Variants in ATAD2 observed in about 807,000 individuals in gnomAD.
ATAD2 encodes ATPase family AAA domain-containing protein 2.
In ATAD2, 62 loss-of-function variants were observed where a neutral mutation model predicts 168.9. The observed-to-expected ratio is 0.37, with a 90% confidence interval of 0.30 to 0.45. ATAD2 has a LOEUF of 0.45. Ranked by LOEUF, ATAD2 falls within the 20% of genes least tolerant of loss-of-function variation. The pLI is 1.00. For missense variants in ATAD2, 1,419 were observed against 1,667.8 expected, an observed-to-expected ratio of 0.85 and a Z score of 2.60; for synonymous variants, 613 against 571.6, an observed-to-expected ratio of 1.07 and a Z score of -1.03.
chr8:123,344,673 A>G (rs1828177645), intron 19 of ATAD2: 1 of 537,954 alleles, frequency 1.9e-6, no homozygotes, highest in Non-Finnish European at 3.2e-6. Flanking sequence ...AAGAGAAAAA[A>G]TTTATGTATC....
At chr8:123,372,414 G>C (rs1484897989) in intron 3 of ATAD2, among the ~76,000 whole-genome samples, 1 of 152,164 alleles carries the variant, frequency 6.6e-6, no homozygotes, top group Non-Finnish European at 1.5e-5. Flanking sequence ...AGAGAAGCTA[G>C]AAGAGCCAGG....
Position 123,402,981 on chromosome 8 carries a change from C to T in ATAD2, c.-2281-1806G>A, listed in dbSNP as rs750776464. Among the ~76,000 whole-genome samples, 3 of 152,200 alleles carry T rather than the reference C, an allele frequency of 2.0e-5. No homozygotes were observed. Among genetic ancestry groups the T allele is most frequent in the African/African-American group, 4.8e-5 (2 of 41,506 alleles). On this transcript the variant is annotated intron_variant, in intron 1 of 28. Coordinates refer to the ATAD2 transcript ENST00000521903. This position sits in a 1 kb window ranked among gnomAD's most constrained non-coding sequence, Gnocchi z 4.8. ...CTTATCCACAGAGTGATTTGTGTCGCGCTGTTCTGGAATGTGACGAGGAAA... is the reference window on the plus strand; with the variant it reads ...CTTATCCACAGAGTGATTTGTGTCGTGCTGTTCTGGAATGTGACGAGGAAA...
At chr8:123,357,172 G>A (rs1828674510) in intron 12 of ATAD2, among the ~76,000 whole-genome samples, 1 of 152,176 alleles carries the variant, frequency 6.6e-6, no homozygotes, top group South Asian at 2.1e-4. Context: ...CAGTAGATCA[G>A]AAAGTATTAT....
chr8:123,346,832 C>T, intron 16 of ATAD2, 82 bp from the exon 17 acceptor site: 1 of 1,369,678 alleles, frequency 7.3e-7, no homozygotes, highest in South Asian at 1.3e-5. Context: ...AGTCAGCATA[C>T]TTCAATTAAA....
chr8:123,393,841 C>T (rs901260003), intron 1 of ATAD2, among the ~76,000 whole-genome samples: 34 of 151,946 alleles, frequency 2.2e-4, no homozygotes, highest in Admixed American at 1.6e-3. Context: ...CACTTGAACC[C>T]GGGAGGCGGA....
At chr8:123,338,843 G>C (rs1293848727) in intron 20 of ATAD2, among the ~76,000 whole-genome samples, 1 of 152,162 alleles carries the variant, frequency 6.6e-6, no homozygotes, top group African/African-American at 2.4e-5. Flanking sequence ...GGCTGCAGTT[G>C]AGCCTCGATC....
At chr8:123,327,557 A>C (rs1247124007) in intron 25 of ATAD2, among the ~76,000 whole-genome samples, 2 of 152,086 alleles carry the variant, frequency 1.3e-5, no homozygotes, top group African/African-American at 4.8e-5. Flanking sequence ...ATTTTTGACC[A>C]AAATAAATTT....
At chr8:123,394,968 C>T (rs901558106) in intron 1 of ATAD2, among the ~76,000 whole-genome samples, 2 of 152,096 alleles carry the variant, frequency 1.3e-5, no homozygotes, top group Non-Finnish European at 2.9e-5. Flanking sequence ...AATGGGATGC[C>T]CACAAAAGAT....
At chr8:123,342,673 A>G (rs1364865257) in intron 19 of ATAD2, among the ~76,000 whole-genome samples, 1 of 152,170 alleles carries the variant, frequency 6.6e-6, no homozygotes, top group African/African-American at 2.4e-5. Flanking sequence ...CCACTCAAAG[A>G]GTTTCTAATA....
chr8:123,402,194 C>T lies in ATAD2; in HGVS notation c.-2281-1019G>A, dbSNP rs1813012188. ...CCTCCCTCCATCACTGAGTGGTCCA[C>T]AGATTTGCACTACGGGTTCCCCAGC... On this transcript the variant is annotated intron_variant, in intron 1 of 28. Transcript: ENST00000521903. This position sits in a 1 kb window ranked among gnomAD's most constrained non-coding sequence, Gnocchi z 4.8. 3.1e-6 allele frequency: 2 copies of T among 641,716 alleles called. No individual in the cohort carries two copies. The highest frequency in any genetic ancestry group is 5.7e-6 in the Non-Finnish European group (2 of 352,030). 39.8% of individuals were successfully genotyped at this position (641,716 alleles called of 1,614,324 possible).
chr8:123,328,037 C>T (rs1318311981), intron 25 of ATAD2, among the ~76,000 whole-genome samples, 153 bp downstream of exon 25: 2 of 152,080 alleles, frequency 1.3e-5, no homozygotes, highest in African/African-American at 4.8e-5. Context: ...CTTACTAGCT[C>T]AATAGTAAAG....
rs372026664 is a variant in ATAD2, at chr8:123,325,212, C to A, written c.4002+681G>T. ...CTGGGTTCAAGTGATTCTCCTGTCT[C>A]AGCCTCCCCAGTAGGCTGGGAATAC... On this transcript the variant is annotated intron_variant, in intron 26 of 27. Coordinates refer to ENST00000287394, the MANE Select transcript of ATAD2 (RefSeq NM_014109.4). 5.1e-4 allele frequency among the ~76,000 whole-genome samples: 76 copies of A among 150,294 alleles called. 3 individuals carry two copies. In the South Asian group the frequency reaches 0.015, roughly 30 times the overall value.
At chr8:123,332,947 T>C (rs1405412986) in intron 24 of ATAD2, among the ~76,000 whole-genome samples, 2 of 151,918 alleles carry the variant, frequency 1.3e-5, no homozygotes. Context: ...CCCAGCTGCC[T>C]CCTCCCATTT....
intron 1 of ATAD2, among the ~76,000 whole-genome samples, chr8:123,407,771 T>C (rs759797068): frequency 2.0e-5 from 3 of 152,020 alleles, no homozygotes; most frequent in Non-Finnish European, 2.9e-5. Context: ...AAGAATTGCT[T>C]GAACCTAGGA....
intron 2 of ATAD2, among the ~76,000 whole-genome samples, chr8:123,379,722 C>T (rs1829434475): frequency 1.3e-5 from 2 of 151,346 alleles, no homozygotes; most frequent in Admixed American, 6.6e-5. Flanking sequence ...GCCACTATGC[C>T]CAGCTATATT....
intron 8 of ATAD2, among the ~76,000 whole-genome samples, chr8:123,364,152 A>G (rs1021749428): frequency 1.3e-5 from 2 of 152,184 alleles, no homozygotes; most frequent in Non-Finnish European, 2.9e-5. Context: ...AATGCTTTAC[A>G]TGTATTAACT....
chr8:123,404,619 T>C lies in ATAD2; in HGVS notation c.-2281-3444A>G, dbSNP rs930199163. Among the ~76,000 whole-genome samples, 4 of 151,162 alleles carry C rather than the reference T, an allele frequency of 2.6e-5. No homozygotes were observed. In the Admixed American group the frequency reaches 2.7e-4, roughly 10 times the overall value. ...TCTCGCTCTGTCGCCCAGGCTGGAGTGCAGTGGCGCGATCTTGGCTCACTG... is the reference window on the plus strand; with the variant it reads ...TCTCGCTCTGTCGCCCAGGCTGGAGCGCAGTGGCGCGATCTTGGCTCACTG... On this transcript the variant is annotated intron_variant, in intron 1 of 28. Coordinates refer to the ATAD2 transcript ENST00000521903.
intron 15 of ATAD2, 95 bp downstream of exon 15, chr8:123,348,087 CA>C: frequency 1.9e-6 from 2 of 1,044,028 alleles, no homozygotes; most frequent in African/African-American, 1.7e-5. Context: ...CTTTTACAGG[CA>C]AAAACCACAA....
intron 21 of ATAD2, among the ~76,000 whole-genome samples, chr8:123,337,053 C>CAAAA (rs58960333): frequency 1.9e-4 from 12 of 61,980 alleles, no homozygotes; most frequent in East Asian, 5.3e-4. Flanking sequence ...ACCCTTACTA[C>CAAAA]AAAAAAAAAA....
Sources: gnomAD v4.1 joint callset for allele counts (sites outside exome capture counted in the v4.1 genomes callset) on GRCh38, gnomAD v4.1.1 for gene constraint, Gnocchi (gnomAD v3.1) non-coding constraint, MANE v1.5 for transcripts, NCBI Gene and HGNC (gene_info 2026-07-23, HGNC 2026-07-21) for gene names.